CNOT7: variants seen among roughly 807,000 people sequenced by gnomAD.
CNOT7 encodes the protein CCR4-NOT transcription complex subunit 7.
Under a neutral mutation model 37.1 loss-of-function variants are expected in CNOT7, and 4 were observed. The ratio of observed to expected loss-of-function variants is 0.11; its 90% CI spans 0.05 to 0.25. The LOEUF (loss-of-function observed/expected upper bound fraction) is 0.25, where lower values mean the gene tolerates loss of function less well. CNOT7 is among the 10% of genes least tolerant of loss of function. CNOT7 has a pLI of 1.00. For missense variants in CNOT7, 170 were observed against 336.2 expected, an observed-to-expected ratio of 0.51 and a Z score of 3.87; for synonymous variants, 128 against 115.6, an observed-to-expected ratio of 1.11 and a Z score of -0.69.
rs536245913 is a variant in CNOT7 at position 17,239,541 on chromosome 8, A to T, written c.312-2168T>A. 2.6e-5 allele frequency among the ~76,000 whole-genome samples: 4 copies of T among 152,152 alleles called. No individual in the cohort carries two copies. In the South Asian group the frequency reaches 8.3e-4, roughly 32 times the overall value. On this transcript the variant is annotated intron_variant, in intron 3 of 6. Transcript: ENST00000361272. ...GACGGAGTCTCACTCTGTCGCCCAG[A>T]CTGGAGTCAGTGGCATCTCGGCTCA...
rs185230413 is a variant in CNOT7, at chr8:17,234,356, A to C, written c.618+360T>G. ...ACCTTAGATTCCACCTTGTAAGAACAGATTCTATGCGTCTTGGGAGAAAGT... is the reference window on the plus strand; with the variant it reads ...ACCTTAGATTCCACCTTGTAAGAACCGATTCTATGCGTCTTGGGAGAAAGT... On this transcript the variant is annotated intron_variant, in intron 5 of 6. Transcript: ENST00000361272. Among the ~76,000 whole-genome samples the C allele has an allele frequency of 8.4e-4, 128 of 152,338 alleles. 1 individual carries two copies. Among genetic ancestry groups the C allele is most frequent in the Non-Finnish European group, 1.8e-4 (12 of 68,030 alleles).
At chr8:17,231,021 T>A (rs530955539) in intron 6 of CNOT7, among the ~76,000 whole-genome samples, 173 bp from the exon 7 acceptor site, 1 of 152,150 alleles carries the variant, frequency 6.6e-6, no homozygotes, top group Non-Finnish European at 1.5e-5. Context: ...ACTAATGTCC[T>A]CAAAAGTACA....
intron 3 of CNOT7, among the ~76,000 whole-genome samples, chr8:17,238,445 A>G (rs1179441518): frequency 6.6e-6 from 1 of 151,978 alleles, no homozygotes; most frequent in African/African-American, 2.4e-5. Context: ...CAATCACGTA[A>G]AAGTCAGTCT....
chr8:17,239,425 CCTTT>C (rs1371159819), intron 3 of CNOT7, among the ~76,000 whole-genome samples: 8 of 152,184 alleles, frequency 5.3e-5, no homozygotes, highest in African/African-American at 1.7e-4. Context: ...GCATCAGCAT[CCTTT>C]CTGTTACCAC....
chr8:17,234,666 A>C, intron 5 of CNOT7, 50 bp downstream of exon 5: 1 of 1,594,184 alleles, frequency 6.3e-7, no homozygotes, highest in South Asian at 1.1e-5. Context: ...CATGACAGTC[A>C]CTTGGTCTGA....
intron 3 of CNOT7, chr8:17,241,858 T>C (rs1015718285): frequency 3.9e-5 from 6 of 152,190 alleles, no homozygotes; most frequent in Admixed American, 3.3e-4. Flanking sequence ...ATACTTCTAA[T>C]ATTAAACAAT....
rs768889232 is a variant in CNOT7, at chr8:17,229,012, A to C, written c.*1708T>G. The C allele has an allele frequency of 1.4e-4, 22 of 152,084 alleles. No individual in the cohort carries two copies. The highest frequency in any genetic ancestry group is 8.3e-4 in the South Asian group (4 of 4,826). The allele number at this position is 152,084 out of a possible 1,614,324, so 9.4% of individuals were successfully genotyped here. A position where few individuals can be genotyped will look rare whatever the true frequency, so the allele number is the denominator to read the frequency against. Reference sequence around the variant, plus strand: ...ATGCATTCCTGGAAAGGAGAAACAGAAGTCAGTCCTTAATTAGCTAGTTGA... The same window carrying C: ...ATGCATTCCTGGAAAGGAGAAACAGCAGTCAGTCCTTAATTAGCTAGTTGA... On this transcript the variant is annotated 3_prime_UTR_variant, in exon 7 of 7. Transcript: ENST00000361272.
At chr8:17,231,467 C>G in intron 6 of CNOT7, 2 of 935,684 alleles carry the variant, frequency 2.1e-6, no homozygotes, top group Non-Finnish European at 2.5e-6. Context: ...AAAATATTTA[C>G]GTGTCATGAA....
In CNOT7 at chr8:17,226,196, CTTT is replaced by C. The variant is rs1449259854; in HGVS notation, c.*4521_*4523del. On this transcript the variant is annotated 3_prime_UTR_variant, in exon 7 of 7. Coordinates refer to ENST00000361272, the MANE Select transcript of CNOT7 (RefSeq NM_013354.7). ...AAAATATTGAGTACAATTTTTTTTT[CTTT>C]TTTTAGTAATAGAGTTCTACTAATG... 6.7e-6 allele frequency: 1 copy of C among 149,452 alleles called. No individual in the cohort carries two copies. The highest frequency in any genetic ancestry group is 1.5e-5 in the Non-Finnish European group (1 of 66,982). The allele number at this position is 149,452 out of a possible 1,614,324, so 9.3% of individuals were successfully genotyped here. A position where few individuals can be genotyped will look rare whatever the true frequency, so the allele number is the denominator to read the frequency against.
In CNOT7 at chr8:17,231,896, C is replaced by T. The variant is rs141987408; in HGVS notation, c.729+531G>A. 129 of 985,962 alleles carry T rather than the reference C, an allele frequency of 1.3e-4. No homozygotes were observed. In the East Asian group the frequency reaches 0.012, roughly 89 times the overall value. The allele number at this position is 985,962 out of a possible 1,614,324, so 61.1% of individuals were successfully genotyped here. ...TTTATTTGATCCCTTCGGAATTCAA[C>T]CCCCCTTTTAAGACTCAATGCAGTA... On this transcript the variant is annotated intron_variant, in intron 6 of 6. Coordinates refer to ENST00000361272, the MANE Select transcript of CNOT7 (RefSeq NM_013354.7).
rs1808083133 is a variant in CNOT7, at chr8:17,225,287, T to G, written c.*5433A>C. 1 of 151,656 alleles carries G rather than the reference T, an allele frequency of 6.6e-6. No homozygotes were observed. Among genetic ancestry groups the G allele is most frequent in the Non-Finnish European group, 1.5e-5 (1 of 67,664 alleles). The allele number at this position is 151,656 out of a possible 1,614,324, so 9.4% of individuals were successfully genotyped here. On this transcript the variant is annotated 3_prime_UTR_variant, in exon 7 of 7. Coordinates refer to ENST00000361272, the MANE Select transcript of CNOT7 (RefSeq NM_013354.7). ...GAGAAAGAGCCAAAACAGAAGGGTG[T>G]GAAAGCAGTGAATTTCCCCTCCTAT...
At chr8:17,232,729 T>G (rs1195456274) in intron 5 of CNOT7, among the ~76,000 whole-genome samples, 192 bp from the exon 6 acceptor site, 1 of 152,142 alleles carries the variant, frequency 6.6e-6, no homozygotes, top group Non-Finnish European at 1.5e-5. Context: ...AAAGTATCAT[T>G]TAATAGAAAA....
chr8:17,227,741 A>C lies in CNOT7; in HGVS notation c.*2979T>G, dbSNP rs1228668674. 2 of 151,902 alleles carry C rather than the reference A, an allele frequency of 1.3e-5. No individual in the cohort carries two copies. Among genetic ancestry groups the C allele is most frequent in the Non-Finnish European group, 2.9e-5 (2 of 67,816 alleles). The allele number at this position is 151,902 out of a possible 1,614,324, so 9.4% of individuals were successfully genotyped here. ...CTATTCTTTTACCAGTTATGGTGAC[A>C]CTGCATTATAAACACAATGTACCAG... On this transcript the variant is annotated 3_prime_UTR_variant, in exon 7 of 7. Transcript: ENST00000361272.
rs754620467 is a variant in CNOT7 at position 17,229,763 on chromosome 8, C to T, written c.*957G>A. On this transcript the variant is annotated 3_prime_UTR_variant, in exon 7 of 7. Coordinates refer to ENST00000361272, the MANE Select transcript of CNOT7 (RefSeq NM_013354.7). The stretch of plus-strand genomic sequence containing the variant: ...ATTTGGTACAAAATATACCTAAAGA[C>T]TTATCTTTGGATTTTTAATAAAATT... 1.3e-5 allele frequency: 2 copies of T among 150,480 alleles called. No individual in the cohort carries two copies. Among genetic ancestry groups the T allele is most frequent in the Non-Finnish European group, 1.5e-5 (1 of 67,568 alleles). 9.3% of individuals were successfully genotyped at this position (150,480 alleles called of 1,614,324 possible). A position where few individuals can be genotyped will look rare whatever the true frequency, so the allele number is the denominator to read the frequency against.
intron 3 of CNOT7, among the ~76,000 whole-genome samples, chr8:17,238,212 GAA>G (rs1338047596): frequency 6.6e-6 from 1 of 152,172 alleles, no homozygotes; most frequent in Non-Finnish European, 1.5e-5. Flanking sequence ...GAGAATACGT[GAA>G]AAAGTGTTTT....
rs1585765360 is a variant in CNOT7 at position 17,229,040 on chromosome 8, T to C, written c.*1680A>G. On this transcript the variant is annotated 3_prime_UTR_variant, in exon 7 of 7. Coordinates refer to ENST00000361272, the MANE Select transcript of CNOT7 (RefSeq NM_013354.7). ...TCAGTCCTTAATTAGCTAGTTGAGG[T>C]ACTCATAAAGAACAAGAATAAGCCA... The C allele has an allele frequency of 6.6e-6, 1 of 151,866 alleles. No individual in the cohort carries two copies. Among genetic ancestry groups the C allele is most frequent in the Admixed American group, 6.6e-5 (1 of 15,236 alleles). The allele number at this position is 151,866 out of a possible 1,614,324, so 9.4% of individuals were successfully genotyped here.
At chr8:17,237,144 G>C in intron 4 of CNOT7, 68 bp downstream of exon 4, 1 of 1,477,920 alleles carries the variant, frequency 6.8e-7, no homozygotes, top group Non-Finnish European at 9.3e-7. Context: ...CTAACATAGT[G>C]ACCCAAGTAA....
In CNOT7 at chr8:17,229,288, CT is replaced by C. The variant is rs1397853506; in HGVS notation, c.*1431del. The C allele has an allele frequency of 6.6e-6, 1 of 151,834 alleles. No homozygotes were observed. Among genetic ancestry groups the C allele is most frequent in the Non-Finnish European group, 1.5e-5 (1 of 67,810 alleles). 9.4% of individuals were successfully genotyped at this position (151,834 alleles called of 1,614,324 possible). A position where few individuals can be genotyped will look rare whatever the true frequency, so the allele number is the denominator to read the frequency against. The stretch of plus-strand genomic sequence containing the variant: ...AAGCTTTAAAAACAAATAATACCCT[CT>C]GTTTTGCAAATAATGTTTTGTTTAA... On this transcript the variant is annotated 3_prime_UTR_variant, in exon 7 of 7. Transcript: ENST00000361272.
In CNOT7 at chr8:17,226,502, C is replaced by T. The variant is rs1465296139; in HGVS notation, c.*4218G>A. The T allele has an allele frequency of 6.6e-6, 1 of 151,582 alleles. No homozygotes were observed. Among genetic ancestry groups the T allele is most frequent in the Non-Finnish European group, 1.5e-5 (1 of 67,676 alleles). The allele number at this position is 151,582 out of a possible 1,614,324, so 9.4% of individuals were successfully genotyped here. On this transcript the variant is annotated 3_prime_UTR_variant, in exon 7 of 7. Transcript: ENST00000361272. Reference sequence around the variant, plus strand: ...AGGATTCATCTTTTTGGTATTTGCCCTTTAGCATGTCATTCATTCAAGATG... The same window carrying T: ...AGGATTCATCTTTTTGGTATTTGCCTTTTAGCATGTCATTCATTCAAGATG...
Sources: allele counts gnomAD v4.1 joint callset (sites outside exome capture counted in the v4.1 genomes callset), GRCh38; gene constraint gnomAD v4.1.1; transcripts MANE v1.5; gene names NCBI Gene and HGNC (gene_info 2026-07-23, HGNC 2026-07-21).